FGF18: variants seen among roughly 807,000 people sequenced by gnomAD.
The protein encoded by FGF18 is fibroblast growth factor 18.
FGF18 carries 5 observed loss-of-function variants against 23.0 expected under a neutral mutation model. The observed-to-expected ratio is 0.22, with a 90% CI of 0.11 to 0.46. The LOEUF is 0.46. Among genes scored for constraint, FGF18 ranks in the 20% least tolerant of loss-of-function variants. The probability of loss-of-function intolerance (pLI) is 0.99; values close to 1 mark genes in which losing one functional copy is unlikely to be tolerated. For missense variants in FGF18, 180 were observed against 291.6 expected (o/e 0.62, Z 2.79); for synonymous variants, 117 against 118.9 (o/e 0.98, Z 0.10).
chr5:171,450,893 C>T (rs931283819), intron 4 of FGF18, among the ~76,000 whole-genome samples: 2 of 151,986 alleles, frequency 1.3e-5, no homozygotes, highest in African/African-American at 2.4e-5. Context: ...TTTGAGTTTT[C>T]GGCTCGTTTT....
chr5:171,435,666 T>C (rs1352140695), intron 2 of FGF18, among the ~76,000 whole-genome samples: 2 of 152,104 alleles, frequency 1.3e-5, no homozygotes, highest in Admixed American at 1.3e-4. Context: ...CCATCCCCTC[T>C]CGTTCCTCAC....
intron 4 of FGF18, among the ~76,000 whole-genome samples, chr5:171,455,224 C>T (rs930378542): frequency 1.3e-5 from 2 of 152,206 alleles, no homozygotes; most frequent in African/African-American, 4.8e-5. Context: ...GTTCACACAT[C>T]GGCCCAGGAG....
intron 2 of FGF18, among the ~76,000 whole-genome samples, chr5:171,428,848 G>A (rs1361437952): frequency 1.3e-5 from 2 of 152,214 alleles, no homozygotes; most frequent in Non-Finnish European, 2.9e-5. Context: ...ACGGCTCCAG[G>A]GTTGGCTGCC....
chr5:171,453,553 G>A (rs1006942989), intron 4 of FGF18, among the ~76,000 whole-genome samples: 5 of 152,164 alleles, frequency 3.3e-5, no homozygotes, highest in Non-Finnish European at 7.3e-5. Flanking sequence ...GGAGAAGTGA[G>A]CTGCAGTGGC....
chr5:171,452,283 T>C (rs1772527818), intron 4 of FGF18, among the ~76,000 whole-genome samples: 1 of 152,238 alleles, frequency 6.6e-6, no homozygotes, highest in South Asian at 2.1e-4. Context: ...AGGTCACTTC[T>C]TCACCTGTGG....
intron 3 of FGF18, among the ~76,000 whole-genome samples, chr5:171,445,532 T>TG (rs1428208349): frequency 1.4e-5 from 2 of 145,012 alleles, no homozygotes; most frequent in Non-Finnish European, 3.1e-5. Context: ...CTAATTTTTG[T>TG]GGTTTTTTTT....
Position 171,436,837 on chromosome 5 carries a change from C to T in FGF18, c.250+564C>T, listed in dbSNP as rs866247174. Among the ~76,000 whole-genome samples, 6 of 152,172 alleles carry T rather than the reference C, an allele frequency of 3.9e-5. No individual in the cohort carries two copies. Among genetic ancestry groups the T allele is most frequent in the African/African-American group, 9.6e-5 (4 of 41,456 alleles). On this transcript the variant is annotated intron_variant, in intron 3 of 4. Transcript: ENST00000274625. The surrounding 1 kb of genome is among the most constrained non-coding windows in gnomAD (Gnocchi z 4.4). ...TCCTGGAGTACTTGGGAACTCACCC[C>T]GCTCCCCTGCCTATGCTGCCTCTGC... is the stretch of plus-strand genomic sequence containing the variant.
At position 171,456,884 on chromosome 5, in the gene FGF18, A is replaced by G. The variant is rs1348207862; in HGVS notation, c.*79A>G. 1.0e-5 allele frequency: 15 copies of G among 1,473,974 alleles called. No individual in the cohort carries two copies. Among genetic ancestry groups the G allele is most frequent in the Non-Finnish European group, 1.8e-6 (2 of 1,097,732 alleles). The allele number at this position is 1,473,974 out of a possible 1,614,324, so 91.3% of individuals were successfully genotyped here. On this transcript the variant is annotated 3_prime_UTR_variant, in exon 5 of 5. Coordinates refer to ENST00000274625, the MANE Select transcript of FGF18 (RefSeq NM_003862.3). The surrounding 1 kb of genome is among the most constrained non-coding windows in gnomAD (Gnocchi z 6.1). ...AACTGCATCAGAGGAATATTTTTAC[A>G]TGAAAAATAAGGAAGAAGCTCTATT...
chr5:171,420,397 T>C lies in FGF18; in HGVS notation c.33-10T>C. The C allele has an allele frequency of 1.9e-6, 3 of 1,613,640 alleles. No individual in the cohort carries two copies. The highest frequency in any genetic ancestry group is 2.5e-6 in the Non-Finnish European group (3 of 1,179,824). ...GTCCCACTGACCGCTTCTCCATCTG[T>C]TTCCCGCAGGTGTTTACACTTCCTG... On this transcript the variant is annotated splice_polypyrimidine_tract_variant and intron_variant, in intron 1 of 4. Coordinates refer to ENST00000274625, the MANE Select transcript of FGF18 (RefSeq NM_003862.3).
intron 3 of FGF18, among the ~76,000 whole-genome samples, chr5:171,446,047 C>G (rs1221965181): frequency 6.6e-6 from 1 of 152,180 alleles, no homozygotes; most frequent in African/African-American, 2.4e-5. Context: ...TCTCTGAGAA[C>G]TGCTGCTGCT....
intron 3 of FGF18, among the ~76,000 whole-genome samples, chr5:171,437,105 C>T (rs1257833786): frequency 1.3e-5 from 2 of 152,214 alleles, no homozygotes; most frequent in Non-Finnish European, 2.9e-5. Flanking sequence ...TTCCTGCCTT[C>T]TCAGGCCCAG....
In FGF18 at chr5:171,457,029, G is replaced by A. The variant is rs1197985288; in HGVS notation, c.*224G>A. On this transcript the variant is annotated 3_prime_UTR_variant, in exon 5 of 5. Transcript: ENST00000274625. ...GACAAAAGACTCACGCAAAGGGACT[G>A]TAGTCAACCCACAGGTGCTTGTCTC... 8 of 574,110 alleles carry A rather than the reference G, an allele frequency of 1.4e-5. No homozygotes were observed. The highest frequency in any genetic ancestry group is 1.3e-4 in the African/African-American group (7 of 53,350). 35.6% of individuals were successfully genotyped at this position (574,110 alleles called of 1,614,324 possible).
rs572361054 is a variant in FGF18 at position 171,422,213 on chromosome 5, G to T, written c.69+1770G>T. The stretch of plus-strand genomic sequence containing the variant: ...GCTGGAGGGAGGGAGTGTGGACTCT[G>T]CATCCCACCTCCACCTCCTGGCCAG... On this transcript the variant is annotated intron_variant, in intron 2 of 4. Coordinates refer to ENST00000274625, the MANE Select transcript of FGF18 (RefSeq NM_003862.3). Among the ~76,000 whole-genome samples, 424 of 152,176 alleles carry T rather than the reference G, an allele frequency of 2.8e-3. 3 individuals carry two copies. Among genetic ancestry groups the T allele is most frequent in the African/African-American group, 9.9e-3 (411 of 41,512 alleles).
chr5:171,419,665 C>A lies in FGF18; in HGVS notation c.-535C>A, dbSNP rs894939225. 6 of 151,522 alleles carry A rather than the reference C, an allele frequency of 4.0e-5. No homozygotes were observed. Among genetic ancestry groups the A allele is most frequent in the African/African-American group, 1.2e-4 (5 of 41,346 alleles). 9.4% of individuals were successfully genotyped at this position (151,522 alleles called of 1,614,324 possible). A position where few individuals can be genotyped will look rare whatever the true frequency, so the allele number is the denominator to read the frequency against. On this transcript the variant is annotated 5_prime_UTR_variant, in exon 1 of 5. Coordinates refer to ENST00000274625, the MANE Select transcript of FGF18 (RefSeq NM_003862.3). ...CAGTGGTGGGAGGCGGCGATGCGCA[C>A]GGCCGGAGAGACGCGGAGGAGGAGA...
intron 3 of FGF18, among the ~76,000 whole-genome samples, chr5:171,445,495 A>G (rs575366824): frequency 1.3e-5 from 2 of 151,536 alleles, no homozygotes; most frequent in African/African-American, 4.8e-5. Flanking sequence ...AGTAGCTGGG[A>G]CTACAGGTGT....
In FGF18 at chr5:171,422,523, C is replaced by T. The variant is rs556245348; in HGVS notation, c.69+2080C>T. On this transcript the variant is annotated intron_variant, in intron 2 of 4. Transcript: ENST00000274625. ...GTGTCTGGAAGAGGGTTGCCTGCTC[C>T]CCACAGAGTTTCAAAACATCTATGA... Among the ~76,000 whole-genome samples, 5 of 152,260 alleles carry T rather than the reference C, an allele frequency of 3.3e-5. No homozygotes were observed. In the South Asian group the frequency reaches 8.3e-4, roughly 25 times the overall value.
chr5:171,437,497 ACT>A (rs915687733), intron 3 of FGF18, among the ~76,000 whole-genome samples: 1 of 146,540 alleles, frequency 6.8e-6, no homozygotes, highest in African/African-American at 2.5e-5. Flanking sequence ...TTCCCCTCCC[ACT>A]CTCTTTCCCC....
Position 171,456,908 on chromosome 5 carries a change from T to C in FGF18, c.*103T>C, listed in dbSNP as rs1561893060. On this transcript the variant is annotated 3_prime_UTR_variant, in exon 5 of 5. Coordinates refer to ENST00000274625, the MANE Select transcript of FGF18 (RefSeq NM_003862.3). This position sits in a 1 kb window ranked among gnomAD's most constrained non-coding sequence, Gnocchi z 6.1. ...CATGAAAAATAAGGAAGAAGCTCTA[T>C]TTTTGTACATTGTGTTTAAAAGAAG... The C allele has an allele frequency of 7.2e-7, 1 of 1,380,212 alleles. No individual in the cohort carries two copies. The highest frequency in any genetic ancestry group is 9.8e-7 in the Non-Finnish European group (1 of 1,024,902). The allele number at this position is 1,380,212 out of a possible 1,614,324, so 85.5% of individuals were successfully genotyped here.
At chr5:171,431,770 T>C (rs1208233466) in intron 2 of FGF18, among the ~76,000 whole-genome samples, 1 of 152,142 alleles carries the variant, frequency 6.6e-6, no homozygotes, top group Admixed American at 6.5e-5. Context: ...TTTCGAGAGT[T>C]GCAGCAGACT....
Sources: gnomAD v4.1 joint callset for allele counts (sites outside exome capture counted in the v4.1 genomes callset) on GRCh38, gnomAD v4.1.1 for gene constraint, Gnocchi (gnomAD v3.1) non-coding constraint, MANE v1.5 for transcripts, NCBI Gene and HGNC (gene_info 2026-07-23, HGNC 2026-07-21) for gene names.